The following CLYBL variants were observed in gnomAD, a reference collection of about 807,000 sequenced individuals.
CLYBL encodes the protein citramalyl-CoA lyase, mitochondrial.
CLYBL carries 31 observed loss-of-function variants against 38.9 expected under a neutral mutation model. That is an observed-to-expected ratio of 0.80 (90% CI 0.60 to 1.08). The LOEUF (loss-of-function observed/expected upper bound fraction) is 1.08. Among genes scored for constraint, CLYBL ranks in the 50% least tolerant of loss-of-function variants. CLYBL has a pLI of 0.00. For synonymous variants in CLYBL, 171 were observed against 158.6 expected, an observed-to-expected ratio of 1.08 and a Z score of -0.59; for missense variants, 434 against 411.6, an observed-to-expected ratio of 1.05 and a Z score of -0.47.
intron 2 of CLYBL, among the ~76,000 whole-genome samples, chr13:99,831,837 C>T (rs1388422140): frequency 1.3e-5 from 2 of 152,106 alleles, no homozygotes; most frequent in African/African-American, 4.8e-5. Context: ...CAGATCCACA[C>T]TCAATCAACC....
chr13:99,697,487 C>A (rs963459693), intron 1 of CLYBL, among the ~76,000 whole-genome samples: 5 of 151,506 alleles, frequency 3.3e-5, no homozygotes, highest in Non-Finnish European at 5.9e-5. Context: ...AGTGATTCTC[C>A]CCACTCAGTA....
intron 1 of CLYBL, among the ~76,000 whole-genome samples, chr13:99,718,389 A>T (rs1225652255): frequency 6.6e-6 from 1 of 150,968 alleles, no homozygotes; most frequent in Non-Finnish European, 1.5e-5. Flanking sequence ...AAAAAAAAAA[A>T]CCTAGAGAGG....
chr13:99,842,445 G>GCTGC, intron 2 of CLYBL, among the ~76,000 whole-genome samples: 1 of 152,270 alleles, frequency 6.6e-6, no homozygotes, highest in Non-Finnish European at 1.5e-5. Context: ...CAATGAACAG[G>GCTGC]CTGCCTCTCG....
intron 1 of CLYBL, among the ~76,000 whole-genome samples, chr13:99,636,409 G>A (rs556417215): frequency 1.3e-5 from 2 of 152,276 alleles, no homozygotes; most frequent in South Asian, 2.1e-4. Flanking sequence ...AACAGAGGTG[G>A]GACCTGGTGA....
chr13:99,686,550 T>C (rs924330457), intron 1 of CLYBL, among the ~76,000 whole-genome samples: 1 of 151,960 alleles, frequency 6.6e-6, no homozygotes, highest in Non-Finnish European at 1.5e-5. Context: ...CAGTGACTGC[T>C]TTTTGAGTGA....
At chr13:99,801,016 G>A (rs963217114) in intron 2 of CLYBL, among the ~76,000 whole-genome samples, 9 of 152,110 alleles carry the variant, frequency 5.9e-5, no homozygotes, top group Admixed American at 5.9e-4. Context: ...CATAGGAGCA[G>A]CCCCAGTAGG....
At chr13:99,855,644 A>G (rs2051441823) in intron 2 of CLYBL, among the ~76,000 whole-genome samples, 1 of 149,568 alleles carries the variant, frequency 6.7e-6, no homozygotes, top group Non-Finnish European at 1.5e-5. Flanking sequence ...TCTTTTCACA[A>G]CTGGGTGGAC....
chr13:99,784,406 A>G (rs2049732599), intron 2 of CLYBL, among the ~76,000 whole-genome samples: 1 of 144,160 alleles, frequency 6.9e-6, no homozygotes, highest in South Asian at 2.2e-4. Flanking sequence ...TCAGAATTCA[A>G]CCTATTGCTT....
chr13:99,752,722 AC>A lies in CLYBL; in HGVS notation c.63-20097del, dbSNP rs142450285. Among the ~76,000 whole-genome samples, 953 of 150,804 alleles carry A rather than the reference AC, an allele frequency of 6.3e-3. 7 individuals are homozygous for A. Among genetic ancestry groups the A allele is most frequent in the African/African-American group, 0.022 (901 of 40,996 alleles). On this transcript the variant is annotated intron_variant, in intron 1 of 8. Transcript: ENST00000339105. The stretch of plus-strand genomic sequence containing the variant: ...CACCGGCTCCCACCTTCTTTGTGTC[AC>A]CCCCTCATGGCTCAAAGGCCCCACC...
chr13:99,678,737 A>G (rs919239569), intron 1 of CLYBL, among the ~76,000 whole-genome samples: 1 of 152,206 alleles, frequency 6.6e-6, no homozygotes, highest in African/African-American at 2.4e-5. Context: ...TGGGTTTGTT[A>G]CAATCATCTT....
intron 1 of CLYBL, among the ~76,000 whole-genome samples, chr13:99,760,563 C>A (rs1452932114): frequency 6.6e-6 from 1 of 152,210 alleles, no homozygotes; most frequent in African/African-American, 2.4e-5. Context: ...GACAGTTTTT[C>A]CAGACATAGG....
chr13:99,662,376 A>G (rs1047496531), intron 1 of CLYBL, among the ~76,000 whole-genome samples: 2 of 152,204 alleles, frequency 1.3e-5, no homozygotes. Flanking sequence ...AATAGATTCT[A>G]AATCTCTTCT....
intron 1 of CLYBL, among the ~76,000 whole-genome samples, chr13:99,697,181 C>T (rs759662962): frequency 3.9e-5 from 6 of 152,142 alleles, no homozygotes; most frequent in Non-Finnish European, 7.3e-5. Context: ...ACTCTGCTTT[C>T]CTCATCTGTA....
intron 7 of CLYBL, among the ~76,000 whole-genome samples, chr13:99,878,133 T>TA (rs948470117): frequency 3.3e-5 from 5 of 151,626 alleles, no homozygotes; most frequent in South Asian, 2.1e-4. Flanking sequence ...CTGACAATGC[T>TA]AAAAAAAAAT....
chr13:99,672,694 C>T (rs548049621), intron 1 of CLYBL, among the ~76,000 whole-genome samples: 1 of 151,946 alleles, frequency 6.6e-6, no homozygotes, highest in South Asian at 2.1e-4. Flanking sequence ...CACTTGAGCC[C>T]AGGAGGTTGA....
At chr13:99,711,077 G>C (rs1052105556) in intron 1 of CLYBL, among the ~76,000 whole-genome samples, 1 of 151,668 alleles carries the variant, frequency 6.6e-6, no homozygotes, top group Non-Finnish European at 1.5e-5. Context: ...TAGTAGAGAG[G>C]GGTTTTGCCA....
intron 1 of CLYBL, among the ~76,000 whole-genome samples, chr13:99,748,775 C>T (rs9517870): frequency 0.53 from 80,293 of 151,804 alleles, 21,445 homozygotes; most frequent in East Asian, 0.69. Context: ...TGACTGTAGG[C>T]ACCTCATGGA....
intron 1 of CLYBL, among the ~76,000 whole-genome samples, chr13:99,712,088 T>C (rs989110360): frequency 1.3e-5 from 2 of 152,162 alleles, no homozygotes; most frequent in African/African-American, 2.4e-5. Flanking sequence ...ACCTCCACAT[T>C]TGATCACACT....
At chr13:99,853,580 A>G (rs1156484438) in intron 2 of CLYBL, among the ~76,000 whole-genome samples, 1 of 152,202 alleles carries the variant, frequency 6.6e-6, no homozygotes, top group African/African-American at 2.4e-5. Context: ...CAGGATAGAA[A>G]ACTCAACACT....
Sources: allele counts gnomAD v4.1 joint callset (sites outside exome capture counted in the v4.1 genomes callset), GRCh38; gene constraint gnomAD v4.1.1; transcripts MANE v1.5; gene names NCBI Gene and HGNC (gene_info 2026-07-23, HGNC 2026-07-21).